Variants in RP1 observed in about 807,000 individuals in gnomAD.
The protein encoded by RP1 is oxygen-regulated protein 1.
A neutral mutation model predicts 14.8 loss-of-function variants in RP1; 16 were observed. The observed-to-expected ratio is 1.08, with a 90% CI of 0.73 to 1.65. The LOEUF is 1.65. RP1 is among the 40% of genes most tolerant of loss of function. The pLI, the probability that RP1 is intolerant of heterozygous loss-of-function variation, is 0.00. For synonymous variants in RP1, 876 were observed against 883.6 expected (o/e 0.99, Z 0.15); for missense variants, 2,631 against 2,535.0 (o/e 1.04, Z -0.81).
chr8:54,713,438 A>C (rs932226324), intron 15 of RP1, among the ~76,000 whole-genome samples: 2 of 152,224 alleles, frequency 1.3e-5, no homozygotes, highest in Non-Finnish European at 2.9e-5. Context: ...TAGGAAAAAT[A>C]AGCTCAAGTG....
chr8:54,784,438 C>T (rs985370570), intron 24 of RP1, among the ~76,000 whole-genome samples: 2 of 152,088 alleles, frequency 1.3e-5, no homozygotes, highest in Non-Finnish European at 2.9e-5. Context: ...AAGTAATGTA[C>T]TATGAATAAA....
chr8:54,795,496 A>C (rs1810558479), intron 24 of RP1, among the ~76,000 whole-genome samples: 1 of 152,138 alleles, frequency 6.6e-6, no homozygotes, highest in African/African-American at 2.4e-5. Context: ...TTGGCTTCAG[A>C]TATCAATCAT....
Position 54,628,111 on chromosome 8 carries a change from T to C in RP1, c.4229T>C (p.Leu1410Pro), listed in dbSNP as rs776511626. Reference protein sequence around the residue: ...GLCLSEKEAELDKKHSSLDDF... With the variant: ...GLCLSEKEAEPDKKHSSLDDF... Reference sequence around the variant, plus strand: ...TGCCTAAGTGAAAAAGAAGCAGAACTTGATAAGAAACATAGTTCTCTAGAT... The same window carrying C: ...TGCCTAAGTGAAAAAGAAGCAGAACCTGATAAGAAACATAGTTCTCTAGAT... Residue 1410 changes from leucine (L) to proline (P), a missense_variant, in exon 4 of 4, where the codon CTT becomes CCT. By Grantham distance (98) the Leu-to-Pro change is moderately conservative. Transcript: ENST00000220676. The C allele has an allele frequency of 3.7e-6, 6 of 1,613,854 alleles. No homozygotes were observed. The highest frequency in any genetic ancestry group is 5.1e-6 in the Non-Finnish European group (6 of 1,179,930).
chr8:54,732,633 G>A (rs905595582), intron 17 of RP1, among the ~76,000 whole-genome samples: 1 of 152,144 alleles, frequency 6.6e-6, no homozygotes, highest in Non-Finnish European at 1.5e-5. Flanking sequence ...AGGATCACCA[G>A]TTTCTCTCTG....
downstream of RP1, among the ~76,000 whole-genome samples, chr8:54,633,808 G>T (rs1806298280): frequency 1.3e-5 from 2 of 150,118 alleles, no homozygotes; most frequent in South Asian, 4.2e-4. Context: ...TCACAAAAGT[G>T]AAGGTGACAA....
At chr8:54,750,846 TC>T (rs1563365722) in intron 19 of RP1, among the ~76,000 whole-genome samples, 1 of 152,168 alleles carries the variant, frequency 6.6e-6, no homozygotes, top group African/African-American at 2.4e-5. Context: ...TCAGCAGGAC[TC>T]TGAAAGCCAA....
At chr8:54,792,776 G>A (rs572922515) in intron 24 of RP1, among the ~76,000 whole-genome samples, 96 of 151,674 alleles carry the variant, frequency 6.3e-4, no homozygotes, top group African/African-American at 2.2e-3. Flanking sequence ...TATACACTTC[G>A]AGGAATCAGA....
chr8:54,579,426 A>C (rs1161808138), intron 1 of RP1, among the ~76,000 whole-genome samples: 1 of 151,990 alleles, frequency 6.6e-6, no homozygotes, highest in Non-Finnish European at 1.5e-5. Flanking sequence ...TCCTAAGGAG[A>C]CCAACTCCTC....
At chr8:54,721,712 T>C (rs962769331) in intron 16 of RP1, among the ~76,000 whole-genome samples, 3 of 152,248 alleles carry the variant, frequency 2.0e-5, no homozygotes, top group African/African-American at 7.2e-5. Flanking sequence ...CTTCTCTATT[T>C]ACTAGAGGCA....
Position 54,848,049 on chromosome 8 carries a change from A to T in RP1, c.3836-4525A>T, listed in dbSNP as rs544431160. ...TTTTAGAAAAATTTCCCACAACATG[A>T]AAGTACATGTGATCGCTCTCTCTCC... is the stretch of plus-strand genomic sequence containing the variant. On this transcript the variant is annotated intron_variant, in intron 25 of 28. Coordinates refer to the RP1 transcript ENST00000637698. Among the ~76,000 whole-genome samples the T allele has an allele frequency of 7.4e-4, 112 of 152,268 alleles. 1 individual carries two copies. The South Asian group carries it at 7.9e-3, about 11-fold the overall frequency.
At chr8:54,791,277 G>T (rs1044825883) in intron 24 of RP1, among the ~76,000 whole-genome samples, 1 of 151,992 alleles carries the variant, frequency 6.6e-6, no homozygotes, top group African/African-American at 2.4e-5. Context: ...GAGAAATAAA[G>T]ATTTCCCATC....
At chr8:54,729,161 A>G (rs1385191298) in intron 17 of RP1, among the ~76,000 whole-genome samples, 3 of 152,312 alleles carry the variant, frequency 2.0e-5, no homozygotes, top group Admixed American at 2.0e-4. Flanking sequence ...GCCCTTAGAT[A>G]TCTTTCCGGC....
intron 26 of RP1, among the ~76,000 whole-genome samples, chr8:54,852,879 A>G (rs148478624): frequency 6.6e-6 from 1 of 152,330 alleles, no homozygotes; most frequent in African/African-American, 2.4e-5. Context: ...TGTGCATGTT[A>G]TTGTTCTGGA....
intron 19 of RP1, among the ~76,000 whole-genome samples, chr8:54,744,001 T>C (rs1809161756): frequency 6.6e-6 from 1 of 152,196 alleles, no homozygotes; most frequent in African/African-American, 2.4e-5. Flanking sequence ...AAAGTCACAA[T>C]GCAAATAAAT....
chr8:54,776,069 A>T (rs1245350761), intron 23 of RP1, among the ~76,000 whole-genome samples: 1 of 152,238 alleles, frequency 6.6e-6, no homozygotes, highest in Non-Finnish European at 1.5e-5. Flanking sequence ...AAAGTAATAC[A>T]CATTTAAAAA....
At chr8:54,828,030 C>T (rs1811427412) in intron 24 of RP1, among the ~76,000 whole-genome samples, 1 of 152,194 alleles carries the variant, frequency 6.6e-6, no homozygotes, top group African/African-American at 2.4e-5. Flanking sequence ...ACCTCTGTAT[C>T]TTGTCCCACT....
At chr8:54,777,260 T>C (rs13270740) in intron 23 of RP1, among the ~76,000 whole-genome samples, 19,616 of 152,246 alleles carry the variant, frequency 0.13, 1,458 homozygotes, top group East Asian at 0.23. Flanking sequence ...GCTGTGGCTG[T>C]AGTCCCACTG....
intron 11 of RP1, chr8:54,679,778 T>G (rs1261333444): frequency 6.5e-7 from 1 of 1,533,600 alleles, no homozygotes. Context: ...GTGTTTTCAT[T>G]TGTTTTGCTT....
chr8:54,755,771 G>A lies in RP1; in HGVS notation c.3093+1G>A. ...GCAAGTAAAATTTCAAAGAGGACAG[G>A]TGAGTCTATACAAATAATTTCCCAG... On this transcript the variant is annotated splice_donor_variant, in intron 21 of 22. Transcript: ENST00000636932. LOFTEE classifies it high-confidence loss of function. 6.6e-7 allele frequency: 1 copy of A among 1,508,892 alleles called. No individual in the cohort carries two copies. Among genetic ancestry groups the A allele is most frequent in the Non-Finnish European group, 8.8e-7 (1 of 1,132,102 alleles). 93.5% of individuals were successfully genotyped at this position (1,508,892 alleles called of 1,614,324 possible).
Sources: gnomAD v4.1 joint callset for allele counts (sites outside exome capture counted in the v4.1 genomes callset) on GRCh38, gnomAD v4.1.1 for gene constraint, MANE v1.5 for transcripts, NCBI Gene and HGNC (gene_info 2026-07-23, HGNC 2026-07-21) for gene names.